The following SLC1A2 variants were observed in gnomAD, a reference collection of about 807,000 sequenced individuals.
The protein encoded by SLC1A2 is solute carrier family 1 member 2.
A neutral mutation model predicts 48.8 loss-of-function variants in SLC1A2; 15 were observed. The observed-to-expected ratio is 0.31, with a 90% CI of 0.21 to 0.47. SLC1A2 has a LOEUF of 0.47. Among genes scored for constraint, SLC1A2 ranks in the 20% least tolerant of loss-of-function variants. SLC1A2 has a pLI of 0.99. For missense variants in SLC1A2, 502 were observed against 730.5 expected, an observed-to-expected ratio of 0.69 and a Z score of 3.61; for synonymous variants, 279 against 272.6, an observed-to-expected ratio of 1.02 and a Z score of -0.23.
At chr11:35,304,101 T>G (rs970532917) in intron 5 of SLC1A2, among the ~76,000 whole-genome samples, 2 of 152,164 alleles carry the variant, frequency 1.3e-5, no homozygotes, top group Non-Finnish European at 2.9e-5. Flanking sequence ...TAATTGAAAT[T>G]GCTCACTGGA....
chr11:35,276,978 G>A lies in SLC1A2; in HGVS notation c.1421+3889C>T, dbSNP rs562585301. On this transcript the variant is annotated intron_variant, in intron 9 of 10. Coordinates refer to ENST00000278379, the MANE Select transcript of SLC1A2 (RefSeq NM_004171.4). ...ATCCAAGATCAAGAAACTGGTATCT[G>A]GTAAGGGCCTTCTTTCTGCATCATG... 2.0e-5 allele frequency among the ~76,000 whole-genome samples: 3 copies of A among 152,250 alleles called. No homozygotes were observed. The East Asian group carries it at 5.8e-4, about 29-fold the overall frequency.
At chr11:35,402,207 G>C in intron 1 of SLC1A2, among the ~76,000 whole-genome samples, 1 of 152,148 alleles carries the variant, frequency 6.6e-6, no homozygotes, top group South Asian at 2.1e-4. Flanking sequence ...ATAGCTTCAG[G>C]ATGGGGACTG....
chr11:35,291,771 G>A (rs1851016277), intron 7 of SLC1A2: 1 of 158,010 alleles, frequency 6.3e-6, no homozygotes, highest in African/African-American at 2.4e-5. Context: ...TAATCCATTA[G>A]AGGTTCGTGT....
chr11:35,265,856 T>C lies in SLC1A2; in HGVS notation c.1422-98A>G, dbSNP rs567237917. 30 of 700,902 alleles carry C rather than the reference T, an allele frequency of 4.3e-5. No individual in the cohort carries two copies. In the African/African-American group the frequency reaches 4.4e-4, roughly 10 times the overall value. The allele number at this position is 700,902 out of a possible 1,614,324, so 43.4% of individuals were successfully genotyped here. On this transcript the variant is annotated intron_variant, in intron 9 of 10. Transcript: ENST00000278379. ...GTCAGAGAGACATAGGGTTGAGTACTGGCTCTACCTTTTCCCTCTGCCTGA... is the reference window on the plus strand; with the variant it reads ...GTCAGAGAGACATAGGGTTGAGTACCGGCTCTACCTTTTCCCTCTGCCTGA...
At position 35,254,882 on chromosome 11, in the gene SLC1A2, G is replaced by A. The variant is rs1365086704; in HGVS notation, c.*6012C>T. ...GCCTGGAGGTTGGAAAGTGAAGCAA[G>A]GCTGGACATAGAAAAAAACTGATCA... On this transcript the variant is annotated 3_prime_UTR_variant, in exon 11 of 11. Coordinates refer to ENST00000278379, the MANE Select transcript of SLC1A2 (RefSeq NM_004171.4). 3 of 440,154 alleles carry A rather than the reference G, an allele frequency of 6.8e-6. No homozygotes were observed. Among genetic ancestry groups the A allele is most frequent in the African/African-American group, 4.1e-5 (2 of 48,958 alleles). 27.3% of individuals were successfully genotyped at this position (440,154 alleles called of 1,614,324 possible).
intron 10 of SLC1A2, 144 bp downstream of exon 10, chr11:35,265,383 C>T: frequency 1.7e-6 from 1 of 605,808 alleles, no homozygotes; most frequent in Non-Finnish European, 2.9e-6. Flanking sequence ...TGATCTGGGA[C>T]TCACAGAAGC....
At chr11:35,360,418 C>T (rs1307004574) in intron 1 of SLC1A2, among the ~76,000 whole-genome samples, 1 of 152,204 alleles carries the variant, frequency 6.6e-6, no homozygotes, top group African/African-American at 2.4e-5. Context: ...CTGTCAGTAG[C>T]TCTGACACCA....
chr11:35,409,331 G>A (rs1310481318), intron 1 of SLC1A2, among the ~76,000 whole-genome samples: 1 of 152,062 alleles, frequency 6.6e-6, no homozygotes, highest in Non-Finnish European at 1.5e-5. Context: ...GGACTCCATG[G>A]GAAATAACAC....
intron 6 of SLC1A2, chr11:35,297,755 G>T (rs1255133103): frequency 6.6e-6 from 1 of 152,126 alleles, no homozygotes; most frequent in East Asian, 1.9e-4. Context: ...GAGATACAAA[G>T]GATATGGATT....
chr11:35,371,853 G>A (rs1854073129), intron 1 of SLC1A2, among the ~76,000 whole-genome samples: 1 of 152,198 alleles, frequency 6.6e-6, no homozygotes, highest in Non-Finnish European at 1.5e-5. Flanking sequence ...GAGAGTTTCA[G>A]TAAGAAGCAC....
At chr11:35,365,352 C>A (rs1262848383) in intron 1 of SLC1A2, among the ~76,000 whole-genome samples, 1 of 152,160 alleles carries the variant, frequency 6.6e-6, no homozygotes, top group East Asian at 1.9e-4. Context: ...TACAGCCCTG[C>A]CATCAGCCTG....
chr11:35,380,901 G>A (rs531732982), intron 1 of SLC1A2, among the ~76,000 whole-genome samples: 3 of 152,304 alleles, frequency 2.0e-5, no homozygotes, highest in Admixed American at 1.3e-4. Flanking sequence ...CACAGTGACT[G>A]CTAAAGTTTC....
rs1852260800 is a variant in SLC1A2 at position 35,326,612 on chromosome 11, A to G, written c.18-9096T>C. Among the ~76,000 whole-genome samples the G allele has an allele frequency of 2.6e-5, 4 of 152,332 alleles. No individual in the cohort carries two copies. The South Asian group carries it at 8.3e-4, about 32-fold the overall frequency. On this transcript the variant is annotated intron_variant, in intron 1 of 10. Transcript: ENST00000278379. ...TCTCTTTTTTCTTCCTTCTAGACTG[A>G]GCAGCCAACCAGGCAATGTAGCATC... is the stretch of plus-strand genomic sequence containing the variant.
chr11:35,272,430 C>A (rs942568590), intron 9 of SLC1A2, among the ~76,000 whole-genome samples: 3 of 152,200 alleles, frequency 2.0e-5, no homozygotes, highest in Non-Finnish European at 4.4e-5. Context: ...TGGGAAGATT[C>A]CCAGGATGCC....
chr11:35,336,381 A>C (rs115525936), intron 1 of SLC1A2, among the ~76,000 whole-genome samples: 3,882 of 152,116 alleles, frequency 0.026, 156 homozygotes, highest in African/African-American at 0.088. Flanking sequence ...TCTATCTAGA[A>C]CCCTTTGAAG....
rs1373316652 is a variant in SLC1A2, at chr11:35,312,223, T to C, written c.536A>G (p.Asn179Ser). 6.2e-7 allele frequency: 1 copy of C among 1,613,920 alleles called. No homozygotes were observed. The highest frequency in any genetic ancestry group is 1.3e-5 in the African/African-American group (1 of 74,962). Reference sequence around the variant, plus strand: ...CTGTTGAAAGCAGGCTTGGACAAGGTTTTCAGGGAAGAGATTTCGAATAAG... The same window carrying C: ...CTGTTGAAAGCAGGCTTGGACAAGGCTTTCAGGGAAGAGATTTCGAATAAG... ...LDLIRNLFPE[N>S]LVQACFQQIQ... Residue 179 changes from asparagine to serine, a missense_variant, in exon 4 of 11, where the codon AAC (asparagine) becomes AGC (serine). Asn to Ser is a conservative substitution (Grantham distance 46). This residue lies in a region of SLC1A2 where 309 missense variants were observed against 480.3 expected (regional missense o/e 0.64). Transcript: ENST00000278379.
At chr11:35,313,710 C>T (rs1851780721) in intron 3 of SLC1A2, among the ~76,000 whole-genome samples, 1 of 152,162 alleles carries the variant, frequency 6.6e-6, no homozygotes, top group African/African-American at 2.4e-5. Flanking sequence ...GTGCAGAGAA[C>T]ATTTTCTCTG....
At chr11:35,302,468 C>A (rs1307708372) in intron 5 of SLC1A2, among the ~76,000 whole-genome samples, 1 of 152,160 alleles carries the variant, frequency 6.6e-6, no homozygotes, top group Non-Finnish European at 1.5e-5. Context: ...CTAAGTCCAG[C>A]CTCACATCAG....
chr11:35,311,762 G>A (rs1223302142), intron 4 of SLC1A2, among the ~76,000 whole-genome samples: 4 of 151,794 alleles, frequency 2.6e-5, no homozygotes, highest in African/African-American at 4.8e-5. Flanking sequence ...GAGAACCACT[G>A]TGTATTCTAG....
Sources: gnomAD v4.1 joint callset for allele counts (sites outside exome capture counted in the v4.1 genomes callset) on GRCh38, gnomAD v4.1.1 for gene constraint, gnomAD v4.1.1 regional missense constraint, MANE v1.5 for transcripts, NCBI Gene and HGNC (gene_info 2026-07-23, HGNC 2026-07-21) for gene names.